Variants in ARHGEF3 observed in about 807,000 individuals in gnomAD.
ARHGEF3 encodes the protein Rho guanine nucleotide exchange factor 3.
ARHGEF3 carries 28 observed loss-of-function variants against 63.2 expected under a neutral mutation model. The ratio of observed to expected loss-of-function variants is 0.44; its 90% CI spans 0.33 to 0.61. The LOEUF (loss-of-function observed/expected upper bound fraction) is 0.61, where lower values mean the gene tolerates loss of function less well. ARHGEF3 is among the 20% of genes least tolerant of loss of function. ARHGEF3 has a pLI of 0.03. For missense variants in ARHGEF3, 533 were observed against 659.3 expected (o/e 0.81, Z 2.10); for synonymous variants, 266 against 254.2 (o/e 1.05, Z -0.44).
chr3:57,054,630 C>A (rs1011621985), intron 1 of ARHGEF3, among the ~76,000 whole-genome samples: 1 of 149,070 alleles, frequency 6.7e-6, no homozygotes, highest in African/African-American at 2.5e-5. Flanking sequence ...CAGAGTGAGA[C>A]CCCATCTCAA....
At chr3:57,026,929 G>A (rs11130565) in intron 2 of ARHGEF3, among the ~76,000 whole-genome samples, 42,477 of 152,080 alleles carry the variant, frequency 0.28, 6,120 homozygotes, top group Middle Eastern at 0.34. Context: ...AGCCCAGCAT[G>A]CCCGAAAGAG....
chr3:56,877,194 C>G (rs557738971), intron 4 of ARHGEF3, among the ~76,000 whole-genome samples: 34 of 152,008 alleles, frequency 2.2e-4, no homozygotes, highest in African/African-American at 7.7e-4. Flanking sequence ...GTTATAATAG[C>G]GAAAAGTTGG....
At chr3:57,024,369 G>A (rs1297313544) in intron 2 of ARHGEF3, among the ~76,000 whole-genome samples, 2 of 150,458 alleles carry the variant, frequency 1.3e-5, no homozygotes, top group African/African-American at 4.9e-5. Flanking sequence ...AAGGCCAATA[G>A]CAAACAGATT....
At chr3:56,762,533 T>A (rs553213348) in intron 2 of ARHGEF3, among the ~76,000 whole-genome samples, 1 of 152,150 alleles carries the variant, frequency 6.6e-6, no homozygotes, top group South Asian at 2.1e-4. Context: ...TCAGAGGAAA[T>A]GTAAACCCAG....
intron 4 of ARHGEF3, among the ~76,000 whole-genome samples, chr3:56,868,510 G>A (rs1344178011): frequency 6.6e-6 from 1 of 151,966 alleles, no homozygotes; most frequent in African/African-American, 2.4e-5. Context: ...GTACAGGCGT[G>A]TGCCACCACA....
chr3:57,002,462 C>CTATATATATATATATA (rs1165862414), intron 2 of ARHGEF3, among the ~76,000 whole-genome samples: 1 of 38,680 alleles, frequency 2.6e-5, no homozygotes, highest in East Asian at 8.9e-4. Context: ...GTTCTAAGCA[C>CTATATATATATATATA]TATATATATA....
chr3:56,848,766 C>G (rs958653994), intron 4 of ARHGEF3, among the ~76,000 whole-genome samples: 1 of 152,112 alleles, frequency 6.6e-6, no homozygotes, highest in Non-Finnish European at 1.5e-5. Flanking sequence ...TCCTGAGTTC[C>G]AAGCAATTCT....
intron 3 of ARHGEF3, among the ~76,000 whole-genome samples, chr3:56,916,087 G>A (rs1356569671): frequency 6.6e-6 from 1 of 152,156 alleles, no homozygotes; most frequent in Non-Finnish European, 1.5e-5. Flanking sequence ...GCCATCTGCG[G>A]TCTTAAACAC....
In ARHGEF3 at chr3:56,781,023, G is replaced by C. The variant is rs147486559; in HGVS notation, c.97-7207C>G. ...AGAAGAGTCACACTAGTTTAGAGTA[G>C]GCCCTAAATCTAATCACTGGTGTCC... On this transcript the variant is annotated intron_variant, in intron 1 of 9. Transcript: ENST00000296315. 6.7e-3 allele frequency among the ~76,000 whole-genome samples: 1,015 copies of C among 152,300 alleles called. 5 individuals are homozygous for C. Among genetic ancestry groups the C allele is most frequent in the Non-Finnish European group, 0.012 (802 of 68,024 alleles).
rs1182252944 is a variant in ARHGEF3, at chr3:56,967,958, TAA to T, written c.63-9071_63-9070del. On this transcript the variant is annotated intron_variant, in intron 2 of 12. Transcript: ENST00000338458. ...TAAAATATATTATATATTATATATA[TAA>T]AATATATTTTATATTATAGTTTATA... Among the ~76,000 whole-genome samples the T allele has an allele frequency of 3.5e-4, 23 of 66,058 alleles. 1 individual carries two copies. The East Asian group carries it at 0.012, about 33-fold the overall frequency. The allele number at this position is 66,058 out of a possible 152,430, so 43.3% of individuals were successfully genotyped here. A position where few individuals can be genotyped will look rare whatever the true frequency, so the allele number is the denominator to read the frequency against.
intron 3 of ARHGEF3, among the ~76,000 whole-genome samples, chr3:56,936,766 C>T (rs1276552887): frequency 6.6e-6 from 1 of 152,230 alleles, no homozygotes; most frequent in Non-Finnish European, 1.5e-5. Context: ...ATTGCCCAGG[C>T]TGGACTGCAG....
intron 2 of ARHGEF3, among the ~76,000 whole-genome samples, chr3:56,759,594 C>A (rs62252668): frequency 6.6e-6 from 1 of 152,094 alleles, no homozygotes; most frequent in Admixed American, 6.5e-5. Flanking sequence ...TGCAGTGGTG[C>A]AACCATATCT....
intron 2 of ARHGEF3, among the ~76,000 whole-genome samples, chr3:56,986,983 G>C (rs967389667): frequency 2.0e-5 from 3 of 152,140 alleles, no homozygotes; most frequent in Admixed American, 1.3e-4. Context: ...AGGCCATGAT[G>C]GGAGGATCAC....
chr3:57,054,476 GA>G (rs368357673), intron 1 of ARHGEF3, among the ~76,000 whole-genome samples: 14,165 of 126,872 alleles, frequency 0.11, 818 homozygotes, highest in Middle Eastern at 0.16. Context: ...CAAAAAATAC[GA>G]AAAAAAAAAA....
At chr3:56,903,823 T>G (rs1348705325) in intron 3 of ARHGEF3, among the ~76,000 whole-genome samples, 2 of 152,176 alleles carry the variant, frequency 1.3e-5, no homozygotes. Context: ...AATGAGCTTT[T>G]GTTTATGTTG....
chr3:56,765,082 C>G (rs2035632029), intron 2 of ARHGEF3, among the ~76,000 whole-genome samples: 1 of 151,972 alleles, frequency 6.6e-6, no homozygotes, highest in Non-Finnish European at 1.5e-5. Flanking sequence ...ACAGTGGCTT[C>G]CAGGAACAAT....
chr3:56,950,961 G>A (rs1403042552), intron 3 of ARHGEF3, among the ~76,000 whole-genome samples: 1 of 151,932 alleles, frequency 6.6e-6, no homozygotes, highest in African/African-American at 2.4e-5. Flanking sequence ...AAAAAGTTAT[G>A]AGTTCATGTC....
At chr3:57,058,849 G>A (rs539221841) in intron 1 of ARHGEF3, among the ~76,000 whole-genome samples, 2 of 152,098 alleles carry the variant, frequency 1.3e-5, no homozygotes, top group East Asian at 1.9e-4. Flanking sequence ...GTAGGGACAT[G>A]GATGAAGCTG....
intron 3 of ARHGEF3, among the ~76,000 whole-genome samples, chr3:56,920,780 C>T (rs367759244): frequency 2.4e-4 from 36 of 152,268 alleles, no homozygotes; most frequent in South Asian, 1.7e-3. Flanking sequence ...AGGCCGGGCA[C>T]GATGGCTCAT....
Sources: allele counts gnomAD v4.1 joint callset (sites outside exome capture counted in the v4.1 genomes callset), GRCh38; gene constraint gnomAD v4.1.1; transcripts MANE v1.5; gene names NCBI Gene and HGNC (gene_info 2026-07-23, HGNC 2026-07-21).